The following ARMC6 variants were observed in gnomAD, a reference collection of about 807,000 sequenced individuals.
ARMC6 encodes armadillo repeat containing 6.
Under a neutral mutation model 49.2 loss-of-function variants are expected in ARMC6, and 43 were observed. The ratio of observed to expected loss-of-function variants is 0.87; its 90% CI spans 0.69 to 1.13. The LOEUF (loss-of-function observed/expected upper bound fraction) is 1.13, where lower values mean the gene tolerates loss of function less well. Among genes scored for constraint, ARMC6 ranks in the 50% most tolerant of loss-of-function variants. ARMC6 has a pLI of 0.00. For synonymous variants in ARMC6, 262 were observed against 289.6 expected, an observed-to-expected ratio of 0.90 and a Z score of 0.97; for missense variants, 627 against 682.0, an observed-to-expected ratio of 0.92 and a Z score of 0.90.
intron 4 of ARMC6, among the ~76,000 whole-genome samples, chr19:19,051,381 G>C (rs112105095): frequency 6.6e-4 from 77 of 117,172 alleles, no homozygotes; most frequent in Middle Eastern, 4.5e-3. Context: ...CTCTCTGTGT[G>C]TGTGTGTGTG....
chr19:19,036,945 G>A (rs2059374209), intron 2 of ARMC6, among the ~76,000 whole-genome samples: 1 of 152,202 alleles, frequency 6.6e-6, no homozygotes, highest in Admixed American at 6.5e-5. Flanking sequence ...CAGCATGATG[G>A]GAGGCCGAGG....
chr19:19,055,728 T>G lies in ARMC6; in HGVS notation c.1156-63T>G. 3 of 1,513,440 alleles carry G rather than the reference T, an allele frequency of 2.0e-6. No homozygotes were observed. Among genetic ancestry groups the G allele is most frequent in the South Asian group, 2.6e-5 (2 of 78,004 alleles). 93.8% of individuals were successfully genotyped at this position (1,513,440 alleles called of 1,614,324 possible). ...GGTGTTCACCAGGGGTTGGTGGCCA[T>G]GGCAGGATGTTGTGGGGGGTCTATC... On this transcript the variant is annotated intron_variant, in intron 7 of 8. Transcript: ENST00000535612. The surrounding 1 kb of genome is among the most constrained non-coding windows in gnomAD (Gnocchi z 5.7).
At chr19:19,052,334 A>G (rs1159417848) in intron 5 of ARMC6, 139 bp downstream of exon 5, 11 of 776,412 alleles carry the variant, frequency 1.4e-5, no homozygotes, top group Non-Finnish European at 2.2e-5. Flanking sequence ...ACCTGCCTGC[A>G]TGGCAGCCCT....
At chr19:19,045,281 G>A (rs1272146375) in intron 4 of ARMC6, among the ~76,000 whole-genome samples, 4 of 152,264 alleles carry the variant, frequency 2.6e-5, no homozygotes, top group African/African-American at 9.6e-5. Context: ...CCAAAGTGCC[G>A]GGATTACAGG....
chr19:19,039,908 G>A (rs146777186), intron 2 of ARMC6, among the ~76,000 whole-genome samples: 1 of 152,300 alleles, frequency 6.6e-6, no homozygotes, highest in African/African-American at 2.4e-5. Context: ...TCCCCATGGT[G>A]TTGGTTAAGG....
In ARMC6 at chr19:19,052,182, C is replaced by A; in HGVS notation, c.840C>A (p.Ile280=). ...AGAACAAAGGCTTGAAGGTGCTCAT[C>A]GAAGCCACCAAAGGTAAGAGCTGGG... ...VQENKGLKVL[I]EATKAFLDNP... Residue 280 remains isoleucine (I), a synonymous_variant, in exon 5 of 9, where the codon ATC becomes ATA. Coordinates refer to ENST00000535612, the MANE Select transcript of ARMC6 (RefSeq NM_001199196.2). 6.2e-7 allele frequency: 1 copy of A among 1,600,242 alleles called. No homozygotes were observed. The highest frequency in any genetic ancestry group is 1.1e-5 in the South Asian group (1 of 88,620).
rs199554736 is a variant in ARMC6 at position 19,055,292 on chromosome 19, C to T, written c.1051C>T (p.Leu351=). 42 of 1,611,046 alleles carry T rather than the reference C, an allele frequency of 2.6e-5. No homozygotes were observed. In the East Asian group the frequency reaches 6.7e-4, roughly 26 times the overall value. ...QELVKQVLST[L]RAIAGNDDVK... ...GCTCGTGAAGCAAGTGCTGAGCACCCTGCGAGCCATCGCAGGCAACGACGA... is the reference window on the plus strand; with the variant it reads ...GCTCGTGAAGCAAGTGCTGAGCACCTTGCGAGCCATCGCAGGCAACGACGA... The change falls in exon 7 of 9, where the codon CTG becomes TTG. Residue 351 remains leucine (L), a synonymous_variant. Transcript: ENST00000535612. This position sits in a 1 kb window ranked among gnomAD's most constrained non-coding sequence, Gnocchi z 5.7.
chr19:19,036,711 G>A (rs2059371956), intron 2 of ARMC6, among the ~76,000 whole-genome samples: 1 of 152,168 alleles, frequency 6.6e-6, no homozygotes, highest in Non-Finnish European at 1.5e-5. Context: ...AGTGAGATGG[G>A]ACTCCTGCAT....
chr19:19,041,560 G>C (rs994543561), intron 2 of ARMC6, among the ~76,000 whole-genome samples: 2 of 152,156 alleles, frequency 1.3e-5, no homozygotes, highest in Non-Finnish European at 2.9e-5. Context: ...TGCTGGCCAG[G>C]CTGGTCTTAA....
At chr19:19,049,175 C>T (rs562427061) in intron 4 of ARMC6, among the ~76,000 whole-genome samples, 3 of 151,604 alleles carry the variant, frequency 2.0e-5, no homozygotes, top group African/African-American at 7.3e-5. Flanking sequence ...GCCTCAGCCT[C>T]CCATGTAGCT....
chr19:19,038,924 C>CACACAT lies in ARMC6; in HGVS notation c.30-3784_30-3783insCATACA, dbSNP rs147205796. ...ACACACACACACACACACACACACA[C>CACACAT]ACATTTTTTTTAAGAGATATGGTCT... On this transcript the variant is annotated intron_variant, in intron 2 of 8. Coordinates refer to ENST00000535612, the MANE Select transcript of ARMC6 (RefSeq NM_001199196.2). Among the ~76,000 whole-genome samples the CACACAT allele has an allele frequency of 2.0e-5, 3 of 150,926 alleles. 1 individual carries two copies. The highest frequency in any genetic ancestry group is 4.4e-5 in the Non-Finnish European group (3 of 67,636).
intron 2 of ARMC6, chr19:19,037,541 A>AT (rs763582959): frequency 2.4e-5 from 18 of 747,882 alleles, no homozygotes; most frequent in South Asian, 1.3e-4. Flanking sequence ...TAATTTTGGT[A>AT]TTTTTTATAG....
intron 2 of ARMC6, chr19:19,037,524 A>T: frequency 1.7e-6 from 1 of 583,812 alleles, no homozygotes; most frequent in Non-Finnish European, 2.9e-6. Context: ...ATGCTCCCAC[A>T]CCTGGCTAAT....
rs774889530 is a variant in ARMC6 at position 19,054,148 on chromosome 19, G to A, written c.854-4G>A. The A allele has an allele frequency of 1.1e-5, 17 of 1,556,272 alleles. No individual in the cohort carries two copies. The highest frequency in any genetic ancestry group is 1.4e-5 in the Non-Finnish European group (16 of 1,150,184). ...CCCACCACCGTCTCCCTTTCTCCCT[G>A]CAGCGTTCCTGGATAACCCTGGCAT... On this transcript the variant is annotated splice_region_variant and splice_polypyrimidine_tract_variant and intron_variant, in intron 5 of 8. Coordinates refer to ENST00000535612, the MANE Select transcript of ARMC6 (RefSeq NM_001199196.2).
In ARMC6 at chr19:19,046,866, AC is replaced by A. The variant is rs199862392; in HGVS notation, c.279+2795del. On this transcript the variant is annotated intron_variant, in intron 4 of 8. Coordinates refer to ENST00000535612, the MANE Select transcript of ARMC6 (RefSeq NM_001199196.2). ...GATCTTGAACACCTGCCCTCAAGTG[AC>A]CCTCCCACTTTGCCCTGCCAACATG... Among the ~76,000 whole-genome samples, 853 of 141,364 alleles carry A rather than the reference AC, an allele frequency of 6.0e-3. 8 individuals are homozygous for A. Among genetic ancestry groups the A allele is most frequent in the Middle Eastern group, 0.041 (10 of 242 alleles). The allele number at this position is 141,364 out of a possible 152,430, so 92.7% of individuals were successfully genotyped here.
chr19:19,047,895 C>T (rs535433477), intron 4 of ARMC6, among the ~76,000 whole-genome samples: 3 of 152,256 alleles, frequency 2.0e-5, no homozygotes, highest in East Asian at 3.9e-4. Context: ...AAAGCCGGGG[C>T]TTCCAGGTCA....
chr19:19,038,898 T>TACACACACACAC (rs35676976), intron 2 of ARMC6, among the ~76,000 whole-genome samples: 87 of 147,312 alleles, frequency 5.9e-4, no homozygotes, highest in Middle Eastern at 3.5e-3. Flanking sequence ...TTTGTGTGTA[T>TACACACACACAC]ACACACACAC....
At chr19:19,036,502 T>C (rs1313739159) in intron 2 of ARMC6, among the ~76,000 whole-genome samples, 2 of 152,204 alleles carry the variant, frequency 1.3e-5, no homozygotes, top group African/African-American at 4.8e-5. Flanking sequence ...AAAATTGTTT[T>C]CAGGTAAAGA....
chr19:19,052,086 C>T lies in ARMC6; in HGVS notation c.744C>T (p.Val248=). ...GGGAAGCCTGCTGGGCCCTGCGTGT[C>T]ATGACCTTCGATGACGACATCCGTG... The part of the protein sequence containing the change: ...VVREACWALR[V]MTFDDDIRVP... Residue 248 remains valine, a synonymous_variant, in exon 5 of 9, where the codon GTC becomes GTT. Coordinates refer to ENST00000535612, the MANE Select transcript of ARMC6 (RefSeq NM_001199196.2). 6.2e-7 allele frequency: 1 copy of T among 1,613,970 alleles called. No homozygotes were observed. The highest frequency in any genetic ancestry group is 8.5e-7 in the Non-Finnish European group (1 of 1,180,046).
Sources: gnomAD v4.1 joint callset for allele counts (sites outside exome capture counted in the v4.1 genomes callset) on GRCh38, gnomAD v4.1.1 for gene constraint, Gnocchi (gnomAD v3.1) non-coding constraint, MANE v1.5 for transcripts, NCBI Gene and HGNC (gene_info 2026-07-23, HGNC 2026-07-21) for gene names.